GRIN2A: variants seen among roughly 807,000 people sequenced by gnomAD.
GRIN2A encodes glutamate receptor ionotropic, NMDA 2A.
Under a neutral mutation model 113.4 loss-of-function variants are expected in GRIN2A, and 22 were observed. That is an observed-to-expected ratio of 0.19 (90% CI 0.14 to 0.28). GRIN2A has a LOEUF of 0.28. Ranked by LOEUF, GRIN2A falls within the 10% of genes least tolerant of loss-of-function variation. GRIN2A has a pLI of 1.00. For missense variants in GRIN2A, 1,502 were observed against 1,887.0 expected, an observed-to-expected ratio of 0.80 and a Z score of 3.78; for synonymous variants, 827 against 738.4, an observed-to-expected ratio of 1.12 and a Z score of -1.94.
intron 2 of GRIN2A, among the ~76,000 whole-genome samples, chr16:10,022,813 T>C (rs985214601): frequency 3.3e-5 from 5 of 152,336 alleles, no homozygotes; most frequent in East Asian, 1.9e-4. Context: ...TTCTTTTGAG[T>C]ATTATGCCAG....
intron 2 of GRIN2A, among the ~76,000 whole-genome samples, chr16:10,060,024 T>A (rs1006627395): frequency 6.6e-6 from 1 of 152,060 alleles, no homozygotes; most frequent in African/African-American, 2.4e-5. Flanking sequence ...CGCTTGGCAG[T>A]AGCAAATCCC....
At chr16:10,112,817 G>A (rs557031551) in intron 2 of GRIN2A, 8 of 649,568 alleles carry the variant, frequency 1.2e-5, no homozygotes, top group Admixed American at 1.1e-4. Context: ...TTGAGAAGTG[G>A]ACCATGTCAG....
chr16:9,992,145 G>T (rs2046127621), intron 2 of GRIN2A, among the ~76,000 whole-genome samples: 1 of 152,098 alleles, frequency 6.6e-6, no homozygotes, highest in Admixed American at 6.5e-5. Context: ...ACCTTTTATG[G>T]CTCAGTAGTA....
chr16:9,938,603 T>G (rs570818867), intron 2 of GRIN2A, 52 bp from the exon 3 acceptor site: 1 of 1,326,418 alleles, frequency 7.5e-7, no homozygotes, highest in South Asian at 1.2e-5. Context: ...GTGGTTTATA[T>G]AGAAGCACAA....
intron 9 of GRIN2A, among the ~76,000 whole-genome samples, chr16:9,826,536 AC>A (rs376795205): frequency 1.7e-4 from 26 of 152,188 alleles, no homozygotes; most frequent in African/African-American, 5.3e-4. Flanking sequence ...CAACAAAAAA[AC>A]AAAAACAAAA....
At chr16:10,059,684 A>G (rs2047516291) in intron 2 of GRIN2A, among the ~76,000 whole-genome samples, 1 of 150,848 alleles carries the variant, frequency 6.6e-6, no homozygotes, top group African/African-American at 2.4e-5. Context: ...ATGAAGGGCC[A>G]TGGAACTAAA....
At chr16:10,133,251 G>C (rs1448265) in intron 2 of GRIN2A, among the ~76,000 whole-genome samples, 144,489 of 152,290 alleles carry the variant, frequency 0.95, 68,889 homozygotes, top group East Asian at 1. Flanking sequence ...ATCTTGCTCC[G>C]AAAGATTCAC....
At chr16:10,109,458 G>T (rs2048567759) in intron 2 of GRIN2A, among the ~76,000 whole-genome samples, 1 of 151,978 alleles carries the variant, frequency 6.6e-6, no homozygotes, top group Admixed American at 6.6e-5. Context: ...ACCAGAGGAA[G>T]CCATTATAAG....
intron 3 of GRIN2A, among the ~76,000 whole-genome samples, chr16:9,928,477 T>C (rs2044514958): frequency 6.6e-6 from 1 of 152,210 alleles, no homozygotes; most frequent in Admixed American, 6.5e-5. Flanking sequence ...TTGTACAATA[T>C]CAGATGTTGC....
At chr16:10,091,488 AC>A in intron 2 of GRIN2A, among the ~76,000 whole-genome samples, 2 of 151,488 alleles carry the variant, frequency 1.3e-5, no homozygotes, top group African/African-American at 2.4e-5. Context: ...ACACACACAC[AC>A]ACAAACACAC....
At chr16:10,006,300 A>G (rs1455713968) in intron 2 of GRIN2A, among the ~76,000 whole-genome samples, 1 of 152,208 alleles carries the variant, frequency 6.6e-6, no homozygotes, top group Non-Finnish European at 1.5e-5. Context: ...ATCTGCATCA[A>G]TAAATAAACC....
At chr16:10,063,586 C>T (rs1246729572) in intron 2 of GRIN2A, among the ~76,000 whole-genome samples, 1 of 152,118 alleles carries the variant, frequency 6.6e-6, no homozygotes, top group Non-Finnish European at 1.5e-5. Context: ...CTGTCATAAA[C>T]CACCAAACTG....
At chr16:10,154,858 T>C (rs534994016) in intron 2 of GRIN2A, among the ~76,000 whole-genome samples, 2 of 152,314 alleles carry the variant, frequency 1.3e-5, no homozygotes, top group African/African-American at 4.8e-5. Flanking sequence ...GTTTTTGTTA[T>C]ATTTTAGCAA....
intron 2 of GRIN2A, among the ~76,000 whole-genome samples, chr16:9,955,329 C>T (rs1281465398): frequency 1.3e-5 from 2 of 152,196 alleles, no homozygotes; most frequent in Non-Finnish European, 2.9e-5. Flanking sequence ...TGTCTTGTTC[C>T]AGGTTCCTTG....
chr16:9,841,463 A>C (rs996187883), intron 5 of GRIN2A, among the ~76,000 whole-genome samples: 6 of 152,248 alleles, frequency 3.9e-5, no homozygotes. Context: ...AGTTTATAAC[A>C]TACACAACTT....
chr16:10,053,001 T>A (rs1259349497), intron 2 of GRIN2A, among the ~76,000 whole-genome samples: 2 of 147,176 alleles, frequency 1.4e-5, no homozygotes, highest in African/African-American at 5.1e-5. Flanking sequence ...TGAGCAGAGA[T>A]CACGCCATTG....
At position 9,764,505 on chromosome 16, in the gene GRIN2A, C is replaced by A. The variant is rs577077724; in HGVS notation, c.3039G>T (p.Leu1013=). The change falls in exon 13 of 13, where the codon CTG becomes CTT. Residue 1013 remains leucine, a synonymous_variant. Coordinates refer to ENST00000330684, the MANE Select transcript of GRIN2A (RefSeq NM_001134407.3). ...ESKANSRPRQ[L]WKKSVDSIRQ... is the part of the protein sequence containing the mutation. Reference sequence around the variant, plus strand: ...GTATGGAATCCACGGATTTCTTCCACAGCTGCCGGGGTCTAGAGTTCGCTT... The same window carrying A: ...GTATGGAATCCACGGATTTCTTCCAAAGCTGCCGGGGTCTAGAGTTCGCTT... 8.7e-6 allele frequency: 14 copies of A among 1,614,028 alleles called. No individual in the cohort carries two copies. Among genetic ancestry groups the A allele is most frequent in the Non-Finnish European group, 1.1e-5 (13 of 1,180,024 alleles).
At chr16:9,918,576 C>T (rs778198755) in intron 3 of GRIN2A, among the ~76,000 whole-genome samples, 1 of 152,138 alleles carries the variant, frequency 6.6e-6, no homozygotes, top group Non-Finnish European at 1.5e-5. Context: ...AGGTTCGAGT[C>T]ATTCAAAAGC....
chr16:9,900,672 A>G (rs1321664666), intron 3 of GRIN2A, among the ~76,000 whole-genome samples: 5 of 152,220 alleles, frequency 3.3e-5, no homozygotes, highest in Admixed American at 6.5e-5. Flanking sequence ...GACCATTAAT[A>G]AAGTGGTTCT....
Sources: allele counts gnomAD v4.1 joint callset (sites outside exome capture counted in the v4.1 genomes callset), GRCh38; gene constraint gnomAD v4.1.1; transcripts MANE v1.5; gene names NCBI Gene and HGNC (gene_info 2026-07-23, HGNC 2026-07-21).